RIT2: variants seen among roughly 807,000 people sequenced by gnomAD.
The protein encoded by RIT2 is Ras like without CAAX 2.
RIT2 carries 24 observed loss-of-function variants against 23.7 expected under a neutral mutation model. The observed-to-expected ratio is 1.01, with a 90% CI of 0.73 to 1.43. RIT2 has a LOEUF of 1.43. RIT2 is among the 40% of genes most tolerant of loss of function. RIT2 has a pLI of 0.00. For missense variants in RIT2, 236 were observed against 266.9 expected (o/e 0.88, Z 0.81); for synonymous variants, 107 against 91.1 (o/e 1.17, Z -0.99).
intron 3 of RIT2, among the ~76,000 whole-genome samples, chr18:42,967,255 C>T (rs1228120198): frequency 6.6e-6 from 1 of 152,012 alleles, no homozygotes; most frequent in Non-Finnish European, 1.5e-5. Flanking sequence ...CTGTGATTGG[C>T]TTCTATAAAT....
At chr18:43,089,256 C>T (rs184944577) in intron 1 of RIT2, among the ~76,000 whole-genome samples, 2 of 152,064 alleles carry the variant, frequency 1.3e-5, no homozygotes, top group East Asian at 3.9e-4. Context: ...TCTCAGGATA[C>T]AAAATCAATG....
chr18:42,883,338 T>C (rs142597666), intron 4 of RIT2, among the ~76,000 whole-genome samples: 108 of 152,298 alleles, frequency 7.1e-4, no homozygotes, highest in Non-Finnish European at 2.5e-4. Flanking sequence ...CACAATGTCA[T>C]TGTAATTGCT....
intron 4 of RIT2, among the ~76,000 whole-genome samples, chr18:42,921,602 G>A (rs1229869937): frequency 6.6e-6 from 1 of 152,108 alleles, no homozygotes; most frequent in Non-Finnish European, 1.5e-5. Context: ...ATGTCAGCCA[G>A]CTTTGGAGTC....
chr18:42,994,512 A>G (rs1327751862), intron 2 of RIT2, among the ~76,000 whole-genome samples: 2 of 151,974 alleles, frequency 1.3e-5, no homozygotes, highest in Non-Finnish European at 2.9e-5. Flanking sequence ...GACCCCATAG[A>G]TCCTAAATCC....
intron 1 of RIT2, among the ~76,000 whole-genome samples, chr18:43,034,618 C>T (rs930653427): frequency 9.2e-5 from 14 of 152,122 alleles, no homozygotes; most frequent in Non-Finnish European, 2.1e-4. Context: ...CTCACTTCTG[C>T]ATGTGTGTTT....
intron 4 of RIT2, among the ~76,000 whole-genome samples, chr18:42,772,505 C>A (rs1423457953): frequency 6.6e-6 from 1 of 151,808 alleles, no homozygotes. Context: ...GTATAGGAAT[C>A]CTGGTTTTTA....
intron 2 of RIT2, among the ~76,000 whole-genome samples, chr18:43,031,245 C>A (rs1246743321): frequency 6.6e-6 from 1 of 151,732 alleles, no homozygotes; most frequent in Non-Finnish European, 1.5e-5. Flanking sequence ...TAAACTATGA[C>A]ACAAAATTAT....
At chr18:42,782,571 G>C (rs1390112292) in intron 4 of RIT2, among the ~76,000 whole-genome samples, 1 of 152,044 alleles carries the variant, frequency 6.6e-6, no homozygotes, top group Admixed American at 6.6e-5. Context: ...AGACAATAGT[G>C]CTTTATAAGT....
At chr18:42,770,085 A>C (rs1178187125) in intron 4 of RIT2, among the ~76,000 whole-genome samples, 1 of 151,784 alleles carries the variant, frequency 6.6e-6, no homozygotes, top group Non-Finnish European at 1.5e-5. Flanking sequence ...CCACCCAGAG[A>C]CTGCTTCATA....
intron 3 of RIT2, among the ~76,000 whole-genome samples, chr18:42,930,496 T>C (rs1454055026): frequency 6.6e-6 from 1 of 151,928 alleles, no homozygotes; most frequent in African/African-American, 2.4e-5. Context: ...AGCTATCAAG[T>C]AGAAAATCAG....
intron 4 of RIT2, among the ~76,000 whole-genome samples, chr18:42,755,300 C>CTCATCGA (rs1158174743): frequency 6.6e-6 from 1 of 152,146 alleles, no homozygotes; most frequent in African/African-American, 2.4e-5. Context: ...ACCACTCTCC[C>CTCATCGA]TCATCGATTA....
At chr18:43,017,086 A>G (rs915700406) in intron 2 of RIT2, among the ~76,000 whole-genome samples, 22 of 151,978 alleles carry the variant, frequency 1.4e-4, no homozygotes, top group Non-Finnish European at 1.8e-4. Flanking sequence ...AAATGTGTCT[A>G]AATTACACTA....
chr18:42,954,920 G>A (rs1568039016), intron 3 of RIT2, among the ~76,000 whole-genome samples: 1 of 152,076 alleles, frequency 6.6e-6, no homozygotes. Context: ...AACTGAGAAA[G>A]CAATAGGCTG....
At chr18:42,887,429 A>G (rs1598700504) in intron 4 of RIT2, among the ~76,000 whole-genome samples, 1 of 152,206 alleles carries the variant, frequency 6.6e-6, no homozygotes, top group South Asian at 2.1e-4. Flanking sequence ...AGAAAGTTTC[A>G]GACTTCAGGC....
chr18:43,072,344 C>T (rs1306250172), intron 1 of RIT2, among the ~76,000 whole-genome samples: 2 of 152,102 alleles, frequency 1.3e-5, no homozygotes, highest in Non-Finnish European at 1.5e-5. Flanking sequence ...GAATTGGGAT[C>T]TCTCTTCTAA....
chr18:42,865,815 A>G (rs992231254), intron 4 of RIT2, among the ~76,000 whole-genome samples: 1 of 152,166 alleles, frequency 6.6e-6, no homozygotes, highest in Non-Finnish European at 1.5e-5. Context: ...TATACTCTGC[A>G]TATATTCCCA....
chr18:42,841,040 C>T (rs367779335), intron 4 of RIT2, among the ~76,000 whole-genome samples: 236 of 152,068 alleles, frequency 1.6e-3, no homozygotes, highest in African/African-American at 5.1e-3. Flanking sequence ...TATAAGCTAG[C>T]GAGCAGGCAG....
chr18:42,814,758 A>T (rs997377188), intron 4 of RIT2, among the ~76,000 whole-genome samples: 1 of 152,146 alleles, frequency 6.6e-6, no homozygotes, highest in African/African-American at 2.4e-5. Flanking sequence ...CAGGAGGCCA[A>T]CCAGAACAAA....
intron 4 of RIT2, among the ~76,000 whole-genome samples, chr18:42,838,254 C>T (rs1006885302): frequency 6.6e-5 from 10 of 151,878 alleles, no homozygotes; most frequent in Admixed American, 1.3e-4. Flanking sequence ...AGTTCTTCTC[C>T]GCAAGAAAGA....
Sources: allele counts gnomAD v4.1 joint callset (sites outside exome capture counted in the v4.1 genomes callset), GRCh38; gene constraint gnomAD v4.1.1; transcripts MANE v1.5; gene names NCBI Gene and HGNC (gene_info 2026-07-23, HGNC 2026-07-21).